The following NWD2 variants were observed in gnomAD, a reference collection of about 807,000 sequenced individuals.
NWD2 encodes NACHT and WD repeat domain containing 2, also known as NACHT and WD repeat domain-containing protein 2.
NWD2 carries 37 observed loss-of-function variants against 132.7 expected under a neutral mutation model. The ratio of observed to expected loss-of-function variants is 0.28; its 90% confidence interval spans 0.21 to 0.37. NWD2 has a LOEUF of 0.37. Ranked by LOEUF, NWD2 falls within the 10% of genes least tolerant of loss-of-function variation. The probability of loss-of-function intolerance (pLI) is 1.00; values close to 1 mark genes in which losing one functional copy is unlikely to be tolerated. For missense variants in NWD2, 1,592 were observed against 2,122.4 expected, an observed-to-expected ratio of 0.75 and a Z score of 4.91; for synonymous variants, 705 against 803.0, an observed-to-expected ratio of 0.88 and a Z score of 2.06.
At chr4:37,284,370 A>T (rs1056963369) in intron 1 of NWD2, among the ~76,000 whole-genome samples, 22 of 152,226 alleles carry the variant, frequency 1.4e-4, no homozygotes, top group African/African-American at 5.1e-4. Flanking sequence ...AATTGAACAT[A>T]TGAATGATAG....
intron 3 of NWD2, among the ~76,000 whole-genome samples, chr4:37,380,310 A>T (rs943882295): frequency 6.6e-6 from 1 of 152,242 alleles, no homozygotes. Context: ...TGTGTGCTGC[A>T]GTAGACAGTC....
chr4:37,331,999 C>A (rs1432692572), intron 2 of NWD2, among the ~76,000 whole-genome samples: 1 of 152,184 alleles, frequency 6.6e-6, no homozygotes, highest in Non-Finnish European at 1.5e-5. Flanking sequence ...CAGGCCTAGT[C>A]AGAAGGGAAT....
At chr4:37,332,909 G>A (rs1265610276) in intron 2 of NWD2, among the ~76,000 whole-genome samples, 4 of 152,154 alleles carry the variant, frequency 2.6e-5, no homozygotes, top group East Asian at 1.9e-4. Context: ...CAAGCTGACC[G>A]AGGAGCCCTT....
At chr4:37,292,968 C>T (rs7691308) in intron 1 of NWD2, among the ~76,000 whole-genome samples, 72,275 of 152,012 alleles carry the variant, frequency 0.48, 17,666 homozygotes, top group Non-Finnish European at 0.51. Flanking sequence ...AGTACCAGTT[C>T]GTGACCTGGG....
intron 3 of NWD2, among the ~76,000 whole-genome samples, chr4:37,370,898 G>A (rs1467160338): frequency 6.6e-6 from 1 of 151,924 alleles, no homozygotes; most frequent in Non-Finnish European, 1.5e-5. Context: ...TGGCTTTTTA[G>A]TCTGTCTTTA....
chr4:37,371,487 T>C (rs941159102), intron 3 of NWD2, among the ~76,000 whole-genome samples: 2 of 152,238 alleles, frequency 1.3e-5, no homozygotes, highest in African/African-American at 4.8e-5. Context: ...TCAGTAAAGT[T>C]CAGAAAACAA....
chr4:37,368,682 G>C (rs1160044635), intron 3 of NWD2, among the ~76,000 whole-genome samples: 1 of 152,148 alleles, frequency 6.6e-6, no homozygotes, highest in Non-Finnish European at 1.5e-5. Context: ...TCTAAATCTA[G>C]GGCAGGAGAG....
At chr4:37,382,354 T>C (rs1182853628) in intron 3 of NWD2, among the ~76,000 whole-genome samples, 3 of 152,202 alleles carry the variant, frequency 2.0e-5, no homozygotes, top group African/African-American at 7.2e-5. Context: ...CCTAGATTTA[T>C]TTAAGAGAAT....
In NWD2 at chr4:37,443,277, T is replaced by C; in HGVS notation, c.1297-8T>C. The C allele has an allele frequency of 1.9e-6, 3 of 1,544,518 alleles. No individual in the cohort carries two copies. ...ATTACCATTCTAAACTCCACTTTTG[T>C]GTTTCAGGCTTATGGCTGGCTACAT... On this transcript the variant is annotated splice_polypyrimidine_tract_variant and splice_region_variant and intron_variant, in intron 6 of 6. Transcript: ENST00000309447. The surrounding 1 kb of genome is among the most constrained non-coding windows in gnomAD (Gnocchi z 4.1).
chr4:37,410,069 A>G (rs978275600), intron 3 of NWD2, among the ~76,000 whole-genome samples: 2 of 152,180 alleles, frequency 1.3e-5, no homozygotes, highest in East Asian at 3.9e-4. Flanking sequence ...ATTGTAAAGA[A>G]CATCAACACT....
At chr4:37,373,534 T>G (rs537115206) in intron 3 of NWD2, among the ~76,000 whole-genome samples, 1 of 152,338 alleles carries the variant, frequency 6.6e-6, no homozygotes, top group East Asian at 1.9e-4. Context: ...GATAACCCAT[T>G]ACTGGTTTGT....
chr4:37,282,789 C>G (rs575216171), intron 1 of NWD2, among the ~76,000 whole-genome samples: 27 of 152,098 alleles, frequency 1.8e-4, no homozygotes, highest in Non-Finnish European at 2.8e-4. Context: ...CTCAATGCTC[C>G]CATTTCCACA....
intron 3 of NWD2, among the ~76,000 whole-genome samples, chr4:37,427,891 G>T (rs1436174508): frequency 5.3e-5 from 8 of 152,160 alleles, no homozygotes; most frequent in Admixed American, 2.0e-4. Flanking sequence ...ATTGAGTATT[G>T]CTCACAAAAC....
intron 2 of NWD2, 64 bp from the exon 3 acceptor site, chr4:37,356,302 T>A (rs1020837032): frequency 2.4e-6 from 2 of 837,938 alleles, no homozygotes; most frequent in African/African-American, 3.5e-5. Context: ...TCACATTAGC[T>A]TGACATTGTA....
intron 1 of NWD2, among the ~76,000 whole-genome samples, chr4:37,289,162 G>A (rs955747110): frequency 2.6e-5 from 4 of 152,094 alleles, no homozygotes; most frequent in East Asian, 1.9e-4. Flanking sequence ...ATTCAAGCTA[G>A]TGCCTAAATA....
intron 1 of NWD2, among the ~76,000 whole-genome samples, chr4:37,302,871 A>C (rs1252051800): frequency 6.6e-6 from 1 of 152,130 alleles, no homozygotes; most frequent in Non-Finnish European, 1.5e-5. Flanking sequence ...TGTTGGATGA[A>C]TAGTTTACAA....
chr4:37,296,147 T>A (rs1490151721), intron 1 of NWD2, among the ~76,000 whole-genome samples: 2 of 152,202 alleles, frequency 1.3e-5, no homozygotes, highest in African/African-American at 4.8e-5. Flanking sequence ...TTCTGTTTTT[T>A]AAAATAGATT....
rs975330372 is a variant in NWD2, at chr4:37,349,559, A to G, written c.241-6807A>G. On this transcript the variant is annotated intron_variant, in intron 2 of 6. Coordinates refer to ENST00000309447, the MANE Select transcript of NWD2 (RefSeq NM_001144990.2). ...TGTTTTTTATCTTGTAAATTTGTTT[A>G]AGTTCCTTATGGATGCTGGATATTA... Among the ~76,000 whole-genome samples the G allele has an allele frequency of 2.6e-5, 4 of 152,098 alleles. No individual in the cohort carries two copies. In the East Asian group the frequency reaches 7.7e-4, roughly 29 times the overall value.
chr4:37,280,809 A>G (rs1363549738), intron 1 of NWD2, among the ~76,000 whole-genome samples: 1 of 152,192 alleles, frequency 6.6e-6, no homozygotes, highest in African/African-American at 2.4e-5. Flanking sequence ...GTGCATTTAC[A>G]GAATTAGAGA....
Sources: gnomAD v4.1 joint callset for allele counts (sites outside exome capture counted in the v4.1 genomes callset) on GRCh38, gnomAD v4.1.1 for gene constraint, Gnocchi (gnomAD v3.1) non-coding constraint, MANE v1.5 for transcripts, NCBI Gene and HGNC (gene_info 2026-07-23, HGNC 2026-07-21) for gene names.